TCERG1: variants seen among roughly 807,000 people sequenced by gnomAD.
The protein encoded by TCERG1 is transcription elongation regulator 1, also known as TATA box binding protein (TBP)-associated factor, RNA polymerase II, S, 150kD.
TCERG1 carries 37 observed loss-of-function variants against 144.7 expected under a neutral mutation model. That is an observed-to-expected ratio of 0.26 (90% CI 0.20 to 0.34). The LOEUF is 0.34. TCERG1 is among the 10% of genes least tolerant of loss of function. TCERG1 has a pLI of 1.00. For missense variants in TCERG1, 1,027 were observed against 1,380.7 expected, an observed-to-expected ratio of 0.74 and a Z score of 4.06; for synonymous variants, 492 against 458.2, an observed-to-expected ratio of 1.07 and a Z score of -0.94.
At chr5:146,447,550 G>A in intron 1 of TCERG1, 142 bp downstream of exon 1, 1 of 1,098,686 alleles carries the variant, frequency 9.1e-7, no homozygotes, top group Non-Finnish European at 1.3e-6. Context: ...GGTTTAAGAA[G>A]GGGGAAGGGG....
At chr5:146,488,007 G>C (rs1766010112) in intron 15 of TCERG1, among the ~76,000 whole-genome samples, 1 of 152,120 alleles carries the variant, frequency 6.6e-6, no homozygotes, top group Non-Finnish European at 1.5e-5. Context: ...GGCAAGAACA[G>C]TCTCTTCAAT....
At chr5:146,489,048 G>T (rs1766138313) in intron 15 of TCERG1, among the ~76,000 whole-genome samples, 1 of 152,196 alleles carries the variant, frequency 6.6e-6, no homozygotes. Flanking sequence ...GCTGAGAGGG[G>T]TAGGGAGAAC....
chr5:146,454,706 T>C (rs924663936), intron 1 of TCERG1, among the ~76,000 whole-genome samples: 14 of 152,204 alleles, frequency 9.2e-5, no homozygotes, highest in African/African-American at 3.4e-4. Flanking sequence ...CAAGTGATTC[T>C]CCTGCCTCAG....
At chr5:146,501,609 G>A (rs572804095) in intron 17 of TCERG1, among the ~76,000 whole-genome samples, 1 of 152,106 alleles carries the variant, frequency 6.6e-6, no homozygotes, top group Non-Finnish European at 1.5e-5. Context: ...CCTTCCAGTT[G>A]TCAAATGCAT....
chr5:146,447,458 G>A (rs1761957373), intron 1 of TCERG1, 50 bp downstream of exon 1: 1 of 1,579,414 alleles, frequency 6.3e-7, no homozygotes, highest in Non-Finnish European at 8.6e-7. Context: ...AGCCCCAGAG[G>A]CTAGACGCTA....
chr5:146,472,701 T>TTGTGTGTGTGTGTGTGTGTGTG (rs59508893), intron 9 of TCERG1, among the ~76,000 whole-genome samples: 1,831 of 145,966 alleles, frequency 0.013, 56 homozygotes, highest in East Asian at 0.11. Context: ...ACCTCTCACT[T>TTGTGTGTGTGTGTGTGTGTGTG]TGTGTGTGTG....
chr5:146,448,844 AG>A (rs1762120318), intron 1 of TCERG1, among the ~76,000 whole-genome samples: 1 of 152,352 alleles, frequency 6.6e-6, no homozygotes, highest in African/African-American at 2.4e-5. Flanking sequence ...TCGATCTTAA[AG>A]GGAGGTTACT....
At chr5:146,496,197 T>A (rs557105379) in intron 16 of TCERG1, among the ~76,000 whole-genome samples, 1 of 152,350 alleles carries the variant, frequency 6.6e-6, no homozygotes, top group Admixed American at 6.5e-5. Context: ...AACTTCTTTT[T>A]TAAAACTTAG....
chr5:146,490,767 A>C (rs951792187), intron 15 of TCERG1, among the ~76,000 whole-genome samples: 1 of 152,220 alleles, frequency 6.6e-6, no homozygotes. Flanking sequence ...ATTCTGGGAC[A>C]GAATTTGAAT....
intron 17 of TCERG1, chr5:146,500,040 T>TA (rs1276896413): frequency 6.6e-6 from 1 of 152,072 alleles, no homozygotes; most frequent in African/African-American, 2.4e-5. Context: ...GTGTTAATTT[T>TA]AAAAAAGAAA....
At chr5:146,508,297 T>C (rs1768178037) in intron 21 of TCERG1, among the ~76,000 whole-genome samples, 1 of 152,234 alleles carries the variant, frequency 6.6e-6, no homozygotes, top group Non-Finnish European at 1.5e-5. Flanking sequence ...ACTTGACTCT[T>C]AAGCCAAACA....
intron 7 of TCERG1, 91 bp downstream of exon 7, chr5:146,469,835 A>G (rs1433757803): frequency 2.1e-6 from 2 of 954,776 alleles, no homozygotes; most frequent in African/African-American, 1.7e-5. Flanking sequence ...TTTTTAACAT[A>G]TTTGAGGGAT....
At chr5:146,490,822 A>G (rs1766335219) in intron 15 of TCERG1, among the ~76,000 whole-genome samples, 1 of 151,886 alleles carries the variant, frequency 6.6e-6, no homozygotes, top group South Asian at 2.1e-4. Flanking sequence ...TTTCCTGTTA[A>G]TTACCTTTGT....
chr5:146,508,087 A>G (rs1768165692), intron 21 of TCERG1, 131 bp downstream of exon 21: 1 of 525,450 alleles, frequency 1.9e-6, no homozygotes, highest in South Asian at 4.5e-5. Context: ...ATGAGAAGTA[A>G]ATCTGAATTT....
rs1356422186 is a variant in TCERG1, at chr5:146,511,228, T to C, written c.*586T>C. The C allele has an allele frequency of 6.6e-6, 1 of 152,632 alleles. No individual in the cohort carries two copies. Among genetic ancestry groups the C allele is most frequent in the South Asian group, 2.1e-4 (1 of 4,834 alleles). 9.5% of individuals were successfully genotyped at this position (152,632 alleles called of 1,614,324 possible). A position where few individuals can be genotyped will look rare whatever the true frequency, so the allele number is the denominator to read the frequency against. On this transcript the variant is annotated 3_prime_UTR_variant, in exon 23 of 23. Coordinates refer to ENST00000679501, the MANE Select transcript of TCERG1 (RefSeq NM_001382548.1). ...GAATTATAGACCGAGTCTTGTTGTT[T>C]AGCCTAAGAGAAGATTTATGTAGTA...
chr5:146,498,756 T>G, intron 17 of TCERG1, 70 bp downstream of exon 17: 1 of 1,497,172 alleles, frequency 6.7e-7, no homozygotes, highest in Non-Finnish European at 8.9e-7. Context: ...GCTGGTGTTA[T>G]GTTTCTAACC....
At chr5:146,496,398 A>G (rs1766902497) in intron 16 of TCERG1, among the ~76,000 whole-genome samples, 1 of 152,124 alleles carries the variant, frequency 6.6e-6, no homozygotes, top group East Asian at 1.9e-4. Context: ...ATTATCTTAC[A>G]TGTCCCTGAG....
At chr5:146,484,089 A>G (rs373723849) in intron 15 of TCERG1, among the ~76,000 whole-genome samples, 1 of 152,136 alleles carries the variant, frequency 6.6e-6, no homozygotes, top group Non-Finnish European at 1.5e-5. Context: ...ATGTGTCAGT[A>G]TGTACATATA....
chr5:146,464,958 T>C (rs1763646727), intron 5 of TCERG1, among the ~76,000 whole-genome samples: 1 of 152,200 alleles, frequency 6.6e-6, no homozygotes, highest in Non-Finnish European at 1.5e-5. Flanking sequence ...TTTTTTTTAA[T>C]TTGGAAAACC....
Sources: gnomAD v4.1 joint callset for allele counts (sites outside exome capture counted in the v4.1 genomes callset) on GRCh38, gnomAD v4.1.1 for gene constraint, MANE v1.5 for transcripts, NCBI Gene and HGNC (gene_info 2026-07-23, HGNC 2026-07-21) for gene names.